Variants in KDM4C observed in about 807,000 individuals in gnomAD.
The protein encoded by KDM4C is lysine demethylase 4C, also known as lysine-specific demethylase 4C.
A neutral mutation model predicts 129.3 loss-of-function variants in KDM4C; 81 were observed. The ratio of observed to expected loss-of-function variants is 0.63; its 90% CI spans 0.52 to 0.75. KDM4C has a LOEUF of 0.75. KDM4C is among the 30% of genes least tolerant of loss of function. The pLI is 0.00. For missense variants in KDM4C, 1,457 were observed against 1,304.0 expected (o/e 1.12, Z -1.81); for synonymous variants, 573 against 456.1 (o/e 1.26, Z -3.26).
chr9:7,088,811 G>A (rs551674778), intron 17 of KDM4C, among the ~76,000 whole-genome samples: 1 of 152,078 alleles, frequency 6.6e-6, no homozygotes, highest in Admixed American at 6.5e-5. Flanking sequence ...CATGCCAGCA[G>A]TCCTGAGCCA....
At chr9:7,049,850 T>G (rs1421728180) in intron 17 of KDM4C, among the ~76,000 whole-genome samples, 1 of 152,096 alleles carries the variant, frequency 6.6e-6, no homozygotes, top group Non-Finnish European at 1.5e-5. Flanking sequence ...GATCCTTAGT[T>G]TAGGCCCTTA....
chr9:7,169,926 A>G, intron 21 of KDM4C, 36 bp downstream of exon 21: 2 of 1,613,088 alleles, frequency 1.2e-6, no homozygotes, highest in Non-Finnish European at 1.7e-6. Flanking sequence ...GGACCTGCCA[A>G]GTGAATTCCT....
At chr9:7,077,760 G>T (rs561934605) in intron 17 of KDM4C, among the ~76,000 whole-genome samples, 25 of 152,286 alleles carry the variant, frequency 1.6e-4, no homozygotes, top group African/African-American at 5.3e-4. Context: ...AGGCAACACA[G>T]TGCATGCACC....
chr9:6,808,807 ACTT>A (rs1362616204), intron 3 of KDM4C, among the ~76,000 whole-genome samples: 5 of 151,854 alleles, frequency 3.3e-5, no homozygotes, highest in Non-Finnish European at 4.4e-5. Flanking sequence ...ATGAAGCTCT[ACTT>A]CTTGAAGGGA....
Position 6,900,434 on chromosome 9 carries a change from G to A in KDM4C, c.921+7202G>A, listed in dbSNP as rs963489786. On this transcript the variant is annotated intron_variant, in intron 8 of 21. Coordinates refer to ENST00000381309, the MANE Select transcript of KDM4C (RefSeq NM_015061.6). ...CTGTAGCTGATGTCACCACCAAGTG[G>A]CTTTGGACTCTATCTCACAATTGGT... 2.0e-5 allele frequency among the ~76,000 whole-genome samples: 3 copies of A among 152,374 alleles called. No homozygotes were observed. In the East Asian group the frequency reaches 5.8e-4, roughly 29 times the overall value.
At chr9:6,730,674 C>T (rs1817295192) in intron 1 of KDM4C, among the ~76,000 whole-genome samples, 1 of 151,796 alleles carries the variant, frequency 6.6e-6, no homozygotes, top group South Asian at 2.1e-4. Context: ...ATTCATGAAT[C>T]AGGTAGCCCC....
chr9:6,828,853 A>G (rs1834330256), intron 4 of KDM4C, among the ~76,000 whole-genome samples: 1 of 148,400 alleles, frequency 6.7e-6, no homozygotes. Flanking sequence ...CCTGGGCAAC[A>G]AGATCGAAAC....
intron 1 of KDM4C, among the ~76,000 whole-genome samples, chr9:6,781,610 A>G (rs191081337): frequency 1.3e-5 from 2 of 152,244 alleles, no homozygotes; most frequent in Admixed American, 1.3e-4. Context: ...TAAATCACCA[A>G]CAGACAGTGT....
chr9:6,783,000 A>T (rs1824694941), intron 1 of KDM4C, among the ~76,000 whole-genome samples: 1 of 152,154 alleles, frequency 6.6e-6, no homozygotes, highest in African/African-American at 2.4e-5. Context: ...AGTGGAGAGT[A>T]AGAGAGGGTA....
At chr9:6,745,012 T>G (rs1251722927) in intron 1 of KDM4C, among the ~76,000 whole-genome samples, 1 of 152,124 alleles carries the variant, frequency 6.6e-6, no homozygotes, top group Non-Finnish European at 1.5e-5. Context: ...GTCCCTCTCC[T>G]TCCCTGCCCT....
intron 19 of KDM4C, among the ~76,000 whole-genome samples, chr9:7,136,861 G>A (rs1052195604): frequency 6.6e-6 from 1 of 152,150 alleles, no homozygotes; most frequent in African/African-American, 2.4e-5. Flanking sequence ...AATGGATCAT[G>A]TGCTTTAAAA....
intron 1 of KDM4C, among the ~76,000 whole-genome samples, chr9:6,768,998 C>A (rs1342791735): frequency 6.6e-6 from 1 of 152,064 alleles, no homozygotes; most frequent in Non-Finnish European, 1.5e-5. Context: ...GTCTCGAACT[C>A]CTGACCTCAA....
chr9:6,948,692 G>A (rs953958408), intron 8 of KDM4C, among the ~76,000 whole-genome samples: 6 of 151,816 alleles, frequency 4.0e-5, no homozygotes, highest in South Asian at 2.1e-4. Flanking sequence ...GACTCTTAAC[G>A]AGCATGCTGC....
chr9:7,088,510 G>A (rs1835409743), intron 17 of KDM4C, among the ~76,000 whole-genome samples: 2 of 152,134 alleles, frequency 1.3e-5, no homozygotes, highest in Non-Finnish European at 2.9e-5. Flanking sequence ...TTAAAATTCA[G>A]AAGTAGTCCA....
chr9:7,001,097 A>G (rs1035798401), intron 12 of KDM4C, among the ~76,000 whole-genome samples: 5 of 152,154 alleles, frequency 3.3e-5, no homozygotes, highest in Admixed American at 6.5e-5. Flanking sequence ...TAATTTTCAT[A>G]GAGTTGTTTT....
chr9:6,955,819 CA>C (rs1395654555), intron 8 of KDM4C, among the ~76,000 whole-genome samples: 4 of 152,160 alleles, frequency 2.6e-5, no homozygotes, highest in Non-Finnish European at 5.9e-5. Flanking sequence ...ATTTCCAGAG[CA>C]AGTCACTAAC....
intron 12 of KDM4C, among the ~76,000 whole-genome samples, chr9:6,998,269 A>G (rs912841003): frequency 1.3e-5 from 2 of 152,224 alleles, no homozygotes; most frequent in Non-Finnish European, 2.9e-5. Context: ...ATAATATTTT[A>G]TTCAGTAATG....
At chr9:6,771,189 C>T (rs138545987) in intron 1 of KDM4C, among the ~76,000 whole-genome samples, 6 of 150,142 alleles carry the variant, frequency 4.0e-5, no homozygotes, top group South Asian at 2.1e-4. Context: ...TGGCCTCCCC[C>T]CAAAGTGCTA....
chr9:6,820,756 A>T (rs1264570770), intron 4 of KDM4C, among the ~76,000 whole-genome samples: 3 of 142,342 alleles, frequency 2.1e-5, no homozygotes. Context: ...AAGTTCTAGG[A>T]TACATGTGCA....
Sources: gnomAD v4.1 joint callset for allele counts (sites outside exome capture counted in the v4.1 genomes callset) on GRCh38, gnomAD v4.1.1 for gene constraint, MANE v1.5 for transcripts, NCBI Gene and HGNC (gene_info 2026-07-23, HGNC 2026-07-21) for gene names.